RIC8B: variants seen among roughly 807,000 people sequenced by gnomAD.
RIC8B encodes RIC8 guanine nucleotide exchange factor B.
A neutral mutation model predicts 57.5 loss-of-function variants in RIC8B; 16 were observed. The ratio of observed to expected loss-of-function variants is 0.28; its 90% confidence interval spans 0.19 to 0.42. The LOEUF (loss-of-function observed/expected upper bound fraction) is 0.42, where lower values mean the gene tolerates loss of function less well. Ranked by LOEUF, RIC8B falls within the 10% of genes least tolerant of loss-of-function variation. The pLI, the probability that RIC8B is intolerant of heterozygous loss-of-function variation, is 1.00. For synonymous variants in RIC8B, 216 were observed against 250.8 expected, an observed-to-expected ratio of 0.86 and a Z score of 1.31; for missense variants, 481 against 677.0, an observed-to-expected ratio of 0.71 and a Z score of 3.21.
At position 106,886,084 on chromosome 12, in the gene RIC8B, TTTCTC is replaced by T; in HGVS notation, c.*71_*75del. The stretch of plus-strand genomic sequence containing the variant: ...TTTCTCTGTAGCTCCAGGGGAATCT[TTTCTC>T]TAAAACATTTATGCCCTTGCTTTGG... On this transcript the variant is annotated 3_prime_UTR_variant, in exon 10 of 10. Transcript: ENST00000392837. The T allele has an allele frequency of 1.8e-6, 2 of 1,103,848 alleles. No homozygotes were observed. Among genetic ancestry groups the T allele is most frequent in the Non-Finnish European group, 2.8e-6 (2 of 727,196 alleles). 68.4% of individuals were successfully genotyped at this position (1,103,848 alleles called of 1,614,324 possible).
intron 4 of RIC8B, among the ~76,000 whole-genome samples, chr12:106,837,097 C>T (rs1368084521): frequency 4.6e-5 from 7 of 152,332 alleles, no homozygotes; most frequent in South Asian, 2.1e-4. Context: ...GGCGCAGTGG[C>T]GCACACCTGT....
At chr12:106,836,570 C>G (rs2046608930) in intron 4 of RIC8B, among the ~76,000 whole-genome samples, 1 of 152,230 alleles carries the variant, frequency 6.6e-6, no homozygotes, top group African/African-American at 2.4e-5. Flanking sequence ...CTCTCACACT[C>G]CACACTAGCC....
At chr12:106,813,273 C>T (rs1448684865) in intron 2 of RIC8B, among the ~76,000 whole-genome samples, 1 of 150,148 alleles carries the variant, frequency 6.7e-6, no homozygotes, top group African/African-American at 2.5e-5. Flanking sequence ...TCACTGCAAC[C>T]TCCGACTCCC....
At position 106,879,087 on chromosome 12, in the gene RIC8B, T is replaced by C; in HGVS notation, c.1572-6817T>C. ...CAAGGGAATGATTTTTGAGTCGTTA[T>C]CAAGCTAAGTGGCAAGCGGGAAGCT... On this transcript the variant is annotated intron_variant, in intron 9 of 9. Coordinates refer to ENST00000392837, the MANE Select transcript of RIC8B (RefSeq NM_001330145.2). This position sits in a 1 kb window ranked among gnomAD's most constrained non-coding sequence, Gnocchi z 4.9. The C allele has an allele frequency of 1.0e-6, 1 of 985,788 alleles. No homozygotes were observed. Among genetic ancestry groups the C allele is most frequent in the Non-Finnish European group, 1.2e-6 (1 of 829,906 alleles). 61.1% of individuals were successfully genotyped at this position (985,788 alleles called of 1,614,324 possible). A position where few individuals can be genotyped will look rare whatever the true frequency, so the allele number is the denominator to read the frequency against.
At chr12:106,878,773 T>G (rs1950783866) in intron 9 of RIC8B, among the ~76,000 whole-genome samples, 1 of 151,988 alleles carries the variant, frequency 6.6e-6, no homozygotes, top group Admixed American at 6.6e-5. Context: ...CCGCCCTCAT[T>G]AAAAACAGAG....
rs809285 is a variant in RIC8B, at chr12:106,867,636, A to G, written c.1452-3187A>G. On this transcript the variant is annotated intron_variant, in intron 8 of 9. Transcript: ENST00000392837. This position sits in a 1 kb window ranked among gnomAD's most constrained non-coding sequence, Gnocchi z 4.3. Reference sequence around the variant, plus strand: ...GAAATCTCACGTCTTTGTTGTCACAATGGCTATTATTTGTTTTCTCTTCCT... The same window carrying G: ...GAAATCTCACGTCTTTGTTGTCACAGTGGCTATTATTTGTTTTCTCTTCCT... Among the ~76,000 whole-genome samples the G allele has an allele frequency of 0.75, 113,650 of 152,078 alleles. 43,714 individuals carry two copies. Among genetic ancestry groups the G allele is most frequent in the African/African-American group, 0.94 (38,960 of 41,516 alleles).
At chr12:106,836,944 C>T (rs2046627153) in intron 4 of RIC8B, among the ~76,000 whole-genome samples, 2 of 152,218 alleles carry the variant, frequency 1.3e-5, no homozygotes, top group South Asian at 4.1e-4. Context: ...TGCTCCTGCC[C>T]CAGAGCCTTT....
chr12:106,830,342 AT>A (rs1269326841), intron 4 of RIC8B, among the ~76,000 whole-genome samples: 2 of 152,192 alleles, frequency 1.3e-5, no homozygotes, highest in Non-Finnish European at 2.9e-5. Flanking sequence ...AATTGATTTC[AT>A]TTGTTTATTA....
At chr12:106,800,639 C>T (rs1175804264) in intron 2 of RIC8B, among the ~76,000 whole-genome samples, 1 of 152,108 alleles carries the variant, frequency 6.6e-6, no homozygotes, top group Non-Finnish European at 1.5e-5. Flanking sequence ...AACATACAGT[C>T]CATATGTTAG....
chr12:106,774,906 C>A, intron 1 of RIC8B, 77 bp downstream of exon 1: 1 of 1,078,942 alleles, frequency 9.3e-7, no homozygotes, highest in South Asian at 1.5e-5. Context: ...CATCCTTCCC[C>A]ACCCCCCTCA....
chr12:106,840,978 T>A (rs1396574052), intron 4 of RIC8B, among the ~76,000 whole-genome samples: 1 of 152,206 alleles, frequency 6.6e-6, no homozygotes, highest in Non-Finnish European at 1.5e-5. Context: ...CCTTTTATTC[T>A]CAATGAATCT....
At chr12:106,783,159 ATT>A (rs1299865935) in intron 1 of RIC8B, among the ~76,000 whole-genome samples, 2 of 151,982 alleles carry the variant, frequency 1.3e-5, no homozygotes, top group African/African-American at 2.4e-5. Context: ...CTTTCCAGTT[ATT>A]TTTTCCTCAT....
intron 9 of RIC8B, chr12:106,874,638 A>T: frequency 8.7e-7 from 1 of 1,152,520 alleles, no homozygotes; most frequent in Non-Finnish European, 1.3e-6. Context: ...AAAATTGTAA[A>T]ACCACCAATG....
At chr12:106,776,372 T>C (rs760064080) in intron 1 of RIC8B, among the ~76,000 whole-genome samples, 5 of 152,232 alleles carry the variant, frequency 3.3e-5, no homozygotes, top group African/African-American at 9.6e-5. Flanking sequence ...AGAAAAGATA[T>C]AAGGCAGCTT....
intron 3 of RIC8B, among the ~76,000 whole-genome samples, chr12:106,818,591 G>T (rs1286303081): frequency 6.6e-6 from 1 of 152,168 alleles, no homozygotes; most frequent in Non-Finnish European, 1.5e-5. Flanking sequence ...GGGACTATGA[G>T]TGCAGGCCAC....
chr12:106,854,911 A>G (rs1443634905), intron 7 of RIC8B, among the ~76,000 whole-genome samples: 1 of 152,240 alleles, frequency 6.6e-6, no homozygotes, highest in Non-Finnish European at 1.5e-5. Context: ...TCTCCAGCAC[A>G]TAATGGCCCA....
In RIC8B at chr12:106,879,462, A is replaced by G. The variant is rs1950821210; in HGVS notation, c.1572-6442A>G. ...TCTCTAAGGTGCTGAGAAGTCATAT[A>G]AGCCCAGGCATCCTAGAGTATACCA... On this transcript the variant is annotated intron_variant, in intron 9 of 9. Coordinates refer to ENST00000392837, the MANE Select transcript of RIC8B (RefSeq NM_001330145.2). This position sits in a 1 kb window ranked among gnomAD's most constrained non-coding sequence, Gnocchi z 4.9. The G allele has an allele frequency of 1.0e-6, 1 of 985,310 alleles. No homozygotes were observed. The highest frequency in any genetic ancestry group is 1.2e-6 in the Non-Finnish European group (1 of 829,900). 61.0% of individuals were successfully genotyped at this position (985,310 alleles called of 1,614,324 possible).
At chr12:106,793,861 G>A (rs537508975) in intron 2 of RIC8B, among the ~76,000 whole-genome samples, 9 of 148,108 alleles carry the variant, frequency 6.1e-5, no homozygotes, top group African/African-American at 2.2e-4. Context: ...GCAACTCCTG[G>A]AGAAGGTGGG....
chr12:106,819,720 G>A (rs2045751885), intron 3 of RIC8B, among the ~76,000 whole-genome samples: 1 of 147,848 alleles, frequency 6.8e-6, no homozygotes, highest in Admixed American at 6.7e-5. Context: ...TTCCCGCCTG[G>A]GTAACAGCGT....
Sources: gnomAD v4.1 joint callset for allele counts (sites outside exome capture counted in the v4.1 genomes callset) on GRCh38, gnomAD v4.1.1 for gene constraint, Gnocchi (gnomAD v3.1) non-coding constraint, MANE v1.5 for transcripts, NCBI Gene and HGNC (gene_info 2026-07-23, HGNC 2026-07-21) for gene names.